Variants in LRP2 observed in about 807,000 individuals in gnomAD.
The protein encoded by LRP2 is low-density lipoprotein receptor-related protein 2.
A neutral mutation model predicts 531.0 loss-of-function variants in LRP2; 172 were observed. The observed-to-expected ratio is 0.32, with a 90% CI of 0.29 to 0.37. The LOEUF (loss-of-function observed/expected upper bound fraction) is 0.37. LRP2 is among the 10% of genes least tolerant of loss of function. The pLI is 1.00. For synonymous variants in LRP2, 1,992 were observed against 2,027.6 expected (o/e 0.98, Z 0.47); for missense variants, 5,167 against 5,868.3 (o/e 0.88, Z 3.90).
At chr2:169,218,828 G>C (rs1574145871) in intron 34 of LRP2, among the ~76,000 whole-genome samples, 1 of 152,016 alleles carries the variant, frequency 6.6e-6, no homozygotes, top group Non-Finnish European at 1.5e-5. Flanking sequence ...GAATGACCTA[G>C]GAAGCCTCCT....
chr2:169,277,671 A>G (rs1444598936), intron 13 of LRP2, 74 bp downstream of exon 13: 1 of 1,317,030 alleles, frequency 7.6e-7, no homozygotes, highest in Non-Finnish European at 1.1e-6. Flanking sequence ...TGGTCCTTTG[A>G]TATTTCTCTG....
At chr2:169,306,602 G>C (rs1046048995) in intron 4 of LRP2, among the ~76,000 whole-genome samples, 2 of 152,012 alleles carry the variant, frequency 1.3e-5, no homozygotes, top group Non-Finnish European at 2.9e-5. Context: ...ACAATTATAT[G>C]GACTATAGGA....
intron 11 of LRP2, among the ~76,000 whole-genome samples, 167 bp from the exon 12 acceptor site, chr2:169,279,762 G>A (rs1416679637): frequency 6.6e-6 from 1 of 151,906 alleles, no homozygotes; most frequent in Non-Finnish European, 1.5e-5. Context: ...CGTATTAATG[G>A]TATAATAAAA....
chr2:169,246,653 C>T (rs1690016415), intron 21 of LRP2, 52 bp downstream of exon 21: 1 of 1,594,810 alleles, frequency 6.3e-7, no homozygotes, highest in Non-Finnish European at 8.6e-7. Flanking sequence ...TCTTTAAAGC[C>T]CACCTCTACT....
chr2:169,267,166 A>G (rs1162333525), intron 16 of LRP2, among the ~76,000 whole-genome samples: 2 of 152,022 alleles, frequency 1.3e-5, no homozygotes, highest in Non-Finnish European at 2.9e-5. Context: ...ACGTGTTTCT[A>G]AAATAAAGGA....
chr2:169,279,491 A>G lies in LRP2; in HGVS notation c.1446T>C (p.Tyr482=). The G allele has an allele frequency of 1.2e-6, 2 of 1,613,782 alleles. No individual in the cohort carries two copies. Among genetic ancestry groups the G allele is most frequent in the Non-Finnish European group, 8.5e-7 (1 of 1,179,758 alleles). Residue 482 remains tyrosine (Y), a synonymous_variant, in exon 12 of 79, where the codon TAT becomes TAC. Coordinates refer to ENST00000649046, the MANE Select transcript of LRP2 (RefSeq NM_004525.3). The stretch of plus-strand genomic sequence containing the variant: ...TGCGGTTGACCTTGGTTTCCACTAG[A>G]TAGATTTTATTATTAACCCAGTCCA... ...LAVDWVNNKI[Y]LVETKVNRID...
At chr2:169,223,486 G>C (rs1255184239) in intron 33 of LRP2, among the ~76,000 whole-genome samples, 1 of 152,190 alleles carries the variant, frequency 6.6e-6, no homozygotes, top group Non-Finnish European at 1.5e-5. Context: ...ATGTGAGTTT[G>C]GTAGTAAGGG....
At chr2:169,231,158 G>T (rs571784041) in intron 31 of LRP2, among the ~76,000 whole-genome samples, 1 of 152,210 alleles carries the variant, frequency 6.6e-6, no homozygotes, top group East Asian at 1.9e-4. Context: ...GCCGGGTGTG[G>T]TGGCGTGCAC....
intron 54 of LRP2, 137 bp downstream of exon 54, chr2:169,176,274 T>C: frequency 1.1e-6 from 1 of 914,480 alleles, no homozygotes; most frequent in Non-Finnish European, 1.7e-6. Context: ...GCTGAGAGTC[T>C]TGCTGTGTTC....
chr2:169,231,601 G>A lies in LRP2; in HGVS notation c.5227+113C>T, dbSNP rs887199040. ...CACACATCATTCTGCAGACACCTGA[G>A]GAATCAAAGGACACAGCACATGTTC... On this transcript the variant is annotated intron_variant, in intron 31 of 78. Coordinates refer to ENST00000649046, the MANE Select transcript of LRP2 (RefSeq NM_004525.3). The A allele has an allele frequency of 7.6e-6, 10 of 1,309,290 alleles. No individual in the cohort carries two copies. In the African/African-American group the frequency reaches 1.3e-4, roughly 17 times the overall value. The allele number at this position is 1,309,290 out of a possible 1,614,324, so 81.1% of individuals were successfully genotyped here. A position where few individuals can be genotyped will look rare whatever the true frequency, so the allele number is the denominator to read the frequency against.
rs554544323 is a variant in LRP2 at position 169,182,078 on chromosome 2, C to T, written c.9998+89G>A. ...AAGACAAACCCCAGCAAGACATTGG[C>T]CTTGAGATAGTTACATGAACAGCCT... On this transcript the variant is annotated intron_variant, in intron 51 of 78. Coordinates refer to ENST00000649046, the MANE Select transcript of LRP2 (RefSeq NM_004525.3). 97 of 1,538,630 alleles carry T rather than the reference C, an allele frequency of 6.3e-5. No homozygotes were observed. The South Asian group carries it at 1.0e-3, about 16-fold the overall frequency.
chr2:169,334,651 T>C (rs1685355622), intron 1 of LRP2, among the ~76,000 whole-genome samples: 1 of 152,230 alleles, frequency 6.6e-6, no homozygotes, highest in Non-Finnish European at 1.5e-5. Context: ...TGTCCCTGTG[T>C]CATTCCAAAC....
chr2:169,134,688 G>T (rs1685429332), intron 76 of LRP2, among the ~76,000 whole-genome samples: 1 of 152,006 alleles, frequency 6.6e-6, no homozygotes, highest in East Asian at 1.9e-4. Flanking sequence ...TCTTGCAAAG[G>T]GACTACATGT....
At chr2:169,186,419 C>T (rs998821352) in intron 49 of LRP2, among the ~76,000 whole-genome samples, 14 of 152,176 alleles carry the variant, frequency 9.2e-5, no homozygotes, top group Non-Finnish European at 1.8e-4. Context: ...AAGAGATACA[C>T]ACATTTGCCT....
At chr2:169,152,737 G>A in intron 67 of LRP2, 62 bp downstream of exon 67, 1 of 1,572,090 alleles carries the variant, frequency 6.4e-7, no homozygotes, top group Non-Finnish European at 8.8e-7. Flanking sequence ...CCCATGGAGT[G>A]CAGTAGAGAA....
intron 1 of LRP2, among the ~76,000 whole-genome samples, chr2:169,340,726 A>G (rs1484823894): frequency 6.6e-6 from 1 of 152,156 alleles, no homozygotes; most frequent in Non-Finnish European, 1.5e-5. Context: ...CCAGCCTTCC[A>G]CTGCTGGTTA....
In LRP2 at chr2:169,279,461, A is replaced by G; in HGVS notation, c.1476T>C (p.Asp492=). The G allele has an allele frequency of 1.9e-6, 3 of 1,614,062 alleles. No homozygotes were observed. Among genetic ancestry groups the G allele is most frequent in the Non-Finnish European group, 2.5e-6 (3 of 1,179,976 alleles). The change falls in exon 12 of 79, where the codon GAT becomes GAC. Residue 492 remains aspartate (D), a synonymous_variant. Coordinates refer to ENST00000649046, the MANE Select transcript of LRP2 (RefSeq NM_004525.3). The stretch of plus-strand genomic sequence containing the variant: ...GATAGCTTCCATCCAAATTTACCAT[A>G]TCTATGCGGTTGACCTTGGTTTCCA... The part of the protein sequence containing the change: ...YLVETKVNRI[D]MVNLDGSYRV...
chr2:169,350,723 C>CAAAAAAA (rs35301449), intron 1 of LRP2, among the ~76,000 whole-genome samples: 1 of 68,220 alleles, frequency 1.5e-5, no homozygotes, highest in Non-Finnish European at 2.6e-5. Flanking sequence ...GACTCCATCG[C>CAAAAAAA]AAAAAAAAAA....
At chr2:169,318,550 C>T (rs1684827241) in intron 3 of LRP2, among the ~76,000 whole-genome samples, 1 of 152,180 alleles carries the variant, frequency 6.6e-6, no homozygotes, top group African/African-American at 2.4e-5. Context: ...ATCTCACTTC[C>T]AAATTGCTGG....
Sources: gnomAD v4.1 joint callset for allele counts (sites outside exome capture counted in the v4.1 genomes callset) on GRCh38, gnomAD v4.1.1 for gene constraint, MANE v1.5 for transcripts, NCBI Gene and HGNC (gene_info 2026-07-23, HGNC 2026-07-21) for gene names.